MYO5B: variants seen among roughly 807,000 people sequenced by gnomAD.
The protein encoded by MYO5B is myosin VB.
Under a neutral mutation model 229.3 loss-of-function variants are expected in MYO5B, and 143 were observed. That is an observed-to-expected ratio of 0.62 (90% CI 0.54 to 0.72). MYO5B has a LOEUF of 0.72. Among genes scored for constraint, MYO5B ranks in the 30% least tolerant of loss-of-function variants. The pLI is 0.00. For missense variants in MYO5B, 2,321 were observed against 2,331.0 expected (o/e 1.00, Z 0.09); for synonymous variants, 918 against 885.2 (o/e 1.04, Z -0.66).
Position 49,904,688 on chromosome 18 carries a change from C to T in MYO5B, c.2555G>A (p.Arg852Gln), listed in dbSNP as rs145283236. 1.6e-3 allele frequency: 2,574 copies of T among 1,613,888 alleles called. 44 individuals carry two copies. Among genetic ancestry groups the T allele is most frequent in the Non-Finnish European group, 1.9e-4 (225 of 1,180,028 alleles). ...IQAFTRAMFV[R>Q]RTYRQVLMEH... Reference sequence around the variant, plus strand: ...GCTACTCACCTGGCGGTAGGTTCTCCGCACAAACATGGCCCGGGTGAAGGC... The same window carrying T: ...GCTACTCACCTGGCGGTAGGTTCTCTGCACAAACATGGCCCGGGTGAAGGC... The change falls in exon 20 of 40, where the codon CGG becomes CAG. Residue 852 changes from arginine to glutamine, a missense_variant. Coordinates refer to ENST00000285039, the MANE Select transcript of MYO5B (RefSeq NM_001080467.3).
chr18:49,830,629 C>G (rs1274085554), intron 39 of MYO5B, among the ~76,000 whole-genome samples: 2 of 152,078 alleles, frequency 1.3e-5, no homozygotes, highest in African/African-American at 4.8e-5. Context: ...GGGCAGATCA[C>G]CTGAGGTTGG....
At chr18:49,944,957 A>G (rs375158431) in intron 14 of MYO5B, among the ~76,000 whole-genome samples, 2 of 152,320 alleles carry the variant, frequency 1.3e-5, no homozygotes, top group African/African-American at 4.8e-5. Context: ...TCCAATGGCT[A>G]GAAGTGGTGT....
At chr18:49,859,957 C>T (rs906649028) in intron 29 of MYO5B, among the ~76,000 whole-genome samples, 7 of 152,168 alleles carry the variant, frequency 4.6e-5, no homozygotes, top group Non-Finnish European at 7.3e-5. Context: ...TCCGCTGTCC[C>T]GGACAGGCCC....
At chr18:50,063,917 T>A (rs1241257780) in intron 1 of MYO5B, 1 of 152,360 alleles carries the variant, frequency 6.6e-6, no homozygotes, top group Non-Finnish European at 1.5e-5. Flanking sequence ...GTTAACAGAG[T>A]AAGCAGTGTG....
At chr18:50,192,975 G>A (rs758006451) in intron 1 of MYO5B, among the ~76,000 whole-genome samples, 50 of 151,922 alleles carry the variant, frequency 3.3e-4, no homozygotes, top group Admixed American at 8.5e-4. Flanking sequence ...CCTGACAAAG[G>A]ACTTTGACAC....
At chr18:50,052,212 C>T (rs1048624241) in intron 2 of MYO5B, among the ~76,000 whole-genome samples, 2 of 152,036 alleles carry the variant, frequency 1.3e-5, no homozygotes, top group African/African-American at 4.8e-5. Flanking sequence ...TGGGTATATA[C>T]CAAAAGGACT....
At chr18:50,102,886 T>C (rs2031682412) in intron 1 of MYO5B, among the ~76,000 whole-genome samples, 1 of 152,134 alleles carries the variant, frequency 6.6e-6, no homozygotes, top group African/African-American at 2.4e-5. Flanking sequence ...AAGAGACTTT[T>C]CTGCCCTTTC....
intron 8 of MYO5B, among the ~76,000 whole-genome samples, chr18:49,984,167 T>C (rs1385921488): frequency 6.6e-6 from 1 of 152,200 alleles, no homozygotes; most frequent in Non-Finnish European, 1.5e-5. Context: ...CCTCCAGTCA[T>C]ACTGTCCCCT....
In MYO5B at chr18:50,148,386, G is replaced by C. The variant is rs200625989; in HGVS notation, c.27+46381C>G. Among the ~76,000 whole-genome samples the C allele has an allele frequency of 2.6e-5, 4 of 151,586 alleles. No individual in the cohort carries two copies. In the East Asian group the frequency reaches 5.9e-4, roughly 22 times the overall value. ...GCCTGGCAGAGACACAAGCAAAAAA[G>C]AGAATTTTAGACCAATATCCTTGAT... On this transcript the variant is annotated intron_variant, in intron 1 of 39. Coordinates refer to ENST00000285039, the MANE Select transcript of MYO5B (RefSeq NM_001080467.3).
At chr18:49,843,101 G>T in intron 34 of MYO5B, 140 bp downstream of exon 34, 1 of 1,090,074 alleles carries the variant, frequency 9.2e-7, no homozygotes, top group Non-Finnish European at 1.4e-6. Context: ...TTATATGGAT[G>T]CTTCTGTGGC....
chr18:49,843,951 C>A (rs1344667452), intron 33 of MYO5B, among the ~76,000 whole-genome samples: 1 of 152,246 alleles, frequency 6.6e-6, no homozygotes, highest in Non-Finnish European at 1.5e-5. Context: ...GCCGTGCTTG[C>A]CCAGCTTCAC....
intron 1 of MYO5B, among the ~76,000 whole-genome samples, chr18:50,162,855 A>T (rs935319115): frequency 3.3e-5 from 5 of 152,140 alleles, no homozygotes; most frequent in African/African-American, 1.2e-4. Context: ...CTCACAGCTG[A>T]TGCCTCCCCA....
At chr18:49,835,552 G>T in intron 38 of MYO5B, 128 bp from the exon 39 acceptor site, 1 of 692,092 alleles carries the variant, frequency 1.4e-6, no homozygotes, top group South Asian at 1.6e-5. Context: ...AACACAGATG[G>T]AGCTGGACTG....
At chr18:50,167,927 C>T (rs1003677955) in intron 1 of MYO5B, among the ~76,000 whole-genome samples, 2 of 152,318 alleles carry the variant, frequency 1.3e-5, no homozygotes, top group East Asian at 3.9e-4. Flanking sequence ...ATAAAGGCCA[C>T]TGCTGCCCTG....
chr18:49,975,468 C>T (rs1200593949), intron 9 of MYO5B, among the ~76,000 whole-genome samples: 1 of 152,170 alleles, frequency 6.6e-6, no homozygotes, highest in Non-Finnish European at 1.5e-5. Context: ...CCTGCATTGT[C>T]CTATGCTTCC....
At chr18:50,168,636 G>C (rs1226025421) in intron 1 of MYO5B, among the ~76,000 whole-genome samples, 2 of 62,722 alleles carry the variant, frequency 3.2e-5, no homozygotes, top group Middle Eastern at 9.3e-3. Context: ...CCCCACCACT[G>C]TTCCAACCCT....
intron 1 of MYO5B, among the ~76,000 whole-genome samples, chr18:50,192,274 G>A (rs535952668): frequency 2.0e-5 from 3 of 152,288 alleles, no homozygotes; most frequent in African/African-American, 4.8e-5. Context: ...CAGAGCTTTC[G>A]ATGGAAATTC....
At chr18:50,058,714 G>T (rs1376725504) in intron 1 of MYO5B, among the ~76,000 whole-genome samples, 2 of 152,088 alleles carry the variant, frequency 1.3e-5, no homozygotes, top group Non-Finnish European at 2.9e-5. Flanking sequence ...GGGAGGCTGA[G>T]GCAGAAGAAT....
At chr18:50,031,169 T>A (rs1598966015) in intron 4 of MYO5B, among the ~76,000 whole-genome samples, 1 of 151,958 alleles carries the variant, frequency 6.6e-6, no homozygotes, top group Non-Finnish European at 1.5e-5. Context: ...ACAGATTGGG[T>A]CTAAATTCCA....
Sources: gnomAD v4.1 joint callset for allele counts (sites outside exome capture counted in the v4.1 genomes callset) on GRCh38, gnomAD v4.1.1 for gene constraint, MANE v1.5 for transcripts, NCBI Gene and HGNC (gene_info 2026-07-23, HGNC 2026-07-21) for gene names.